The following GABRA4 variants were observed in gnomAD, a reference collection of about 807,000 sequenced individuals.
The protein encoded by GABRA4 is gamma-aminobutyric acid receptor subunit alpha-4.
GABRA4 carries 12 observed loss-of-function variants against 49.7 expected under a neutral mutation model. The observed-to-expected ratio is 0.24, with a 90% CI of 0.15 to 0.39. The LOEUF (loss-of-function observed/expected upper bound fraction) is 0.39. Among genes scored for constraint, GABRA4 ranks in the 10% least tolerant of loss-of-function variants. GABRA4 has a pLI of 1.00. For missense variants in GABRA4, 506 were observed against 686.0 expected (o/e 0.74, Z 2.93); for synonymous variants, 288 against 240.2 (o/e 1.20, Z -1.84).
intron 8 of GABRA4, among the ~76,000 whole-genome samples, chr4:46,960,458 A>G (rs1265172367): frequency 6.6e-6 from 1 of 151,754 alleles, no homozygotes; most frequent in Non-Finnish European, 1.5e-5. Flanking sequence ...ACTTTTTTCA[A>G]TTTGGCTTCA....
At chr4:46,929,129 T>C (rs1001425676) in intron 8 of GABRA4, among the ~76,000 whole-genome samples, 5 of 152,018 alleles carry the variant, frequency 3.3e-5, no homozygotes, top group Admixed American at 2.0e-4. Flanking sequence ...TAATATTCTG[T>C]ATATGTCATA....
intron 2 of GABRA4, among the ~76,000 whole-genome samples, chr4:46,983,864 G>T (rs1723441168): frequency 6.6e-6 from 1 of 151,938 alleles, no homozygotes; most frequent in Non-Finnish European, 1.5e-5. Context: ...GTTGGTAGTA[G>T]GAATATATTT....
At chr4:46,985,393 T>C (rs530203219) in intron 2 of GABRA4, among the ~76,000 whole-genome samples, 73 of 152,122 alleles carry the variant, frequency 4.8e-4, no homozygotes, top group Non-Finnish European at 9.0e-4. Context: ...TTAACTGGTA[T>C]GTTTATTATA....
chr4:46,930,556 C>A (rs1262160811), intron 8 of GABRA4, among the ~76,000 whole-genome samples: 1 of 151,682 alleles, frequency 6.6e-6, no homozygotes, highest in African/African-American at 2.4e-5. Context: ...AAGAACCAAA[C>A]TATGACCAAA....
At chr4:46,934,011 CA>C (rs988532790) in intron 8 of GABRA4, among the ~76,000 whole-genome samples, 5 of 151,394 alleles carry the variant, frequency 3.3e-5, no homozygotes, top group Non-Finnish European at 5.9e-5. Context: ...TTATCAACTG[CA>C]AAAAAAACTC....
chr4:46,971,303 A>T (rs1212883653), intron 6 of GABRA4, 68 bp from the exon 7 acceptor site: 1 of 1,398,926 alleles, frequency 7.1e-7, no homozygotes, highest in Admixed American at 1.9e-5. Context: ...CTTCATAAAC[A>T]TATTTCAGAC....
intron 8 of GABRA4, among the ~76,000 whole-genome samples, chr4:46,950,575 A>T (rs1722133312): frequency 6.6e-6 from 1 of 151,802 alleles, no homozygotes; most frequent in Non-Finnish European, 1.5e-5. Flanking sequence ...GGCTCAACCT[A>T]ATAAAATTTA....
rs556361886 is a variant in GABRA4, at chr4:46,968,384, A to G, written c.874+2699T>C. ...GGGTAAATTTCTAATGAAAAAAAAA[A>G]CACCCACAAAGCATCTTTAGCACAT... On this transcript the variant is annotated intron_variant, in intron 7 of 8. Coordinates refer to ENST00000264318, the MANE Select transcript of GABRA4 (RefSeq NM_000809.4). Among the ~76,000 whole-genome samples the G allele has an allele frequency of 2.6e-5, 4 of 151,356 alleles. No individual in the cohort carries two copies. The South Asian group carries it at 8.3e-4, about 31-fold the overall frequency.
intron 3 of GABRA4, among the ~76,000 whole-genome samples, chr4:46,977,990 A>T (rs1723206477): frequency 6.6e-6 from 1 of 152,020 alleles, no homozygotes; most frequent in Non-Finnish European, 1.5e-5. Flanking sequence ...AAAAAATATC[A>T]TGCACAATTA....
intron 8 of GABRA4, among the ~76,000 whole-genome samples, chr4:46,959,920 T>C (rs1162199782): frequency 6.7e-6 from 1 of 150,318 alleles, no homozygotes; most frequent in East Asian, 2.0e-4. Flanking sequence ...CATTGAGGAG[T>C]GTTAGTAGCT....
intron 8 of GABRA4, among the ~76,000 whole-genome samples, chr4:46,960,023 T>C (rs1388686986): frequency 1.3e-5 from 2 of 151,022 alleles, no homozygotes; most frequent in Non-Finnish European, 3.0e-5. Context: ...TAACTACTAG[T>C]GATATACAAA....
At chr4:46,930,423 G>A (rs1721386846) in intron 8 of GABRA4, among the ~76,000 whole-genome samples, 1 of 151,468 alleles carries the variant, frequency 6.6e-6, no homozygotes, top group Admixed American at 6.6e-5. Flanking sequence ...TATACATGGT[G>A]AATAACATAA....
At chr4:46,987,201 C>T (rs1467017002) in intron 2 of GABRA4, among the ~76,000 whole-genome samples, 1 of 151,694 alleles carries the variant, frequency 6.6e-6, no homozygotes, top group African/African-American at 2.4e-5. Context: ...CTCAGCCCTG[C>T]TAAACTTCAC....
chr4:46,959,448 C>G (rs1237329510), intron 8 of GABRA4, among the ~76,000 whole-genome samples: 1 of 151,812 alleles, frequency 6.6e-6, no homozygotes, highest in Non-Finnish European at 1.5e-5. Context: ...TGGTATAATC[C>G]TATGTCCTTC....
rs749786584 is a variant in GABRA4, at chr4:46,928,605, A to G, written c.1285T>C (p.Leu429=). The G allele has an allele frequency of 2.5e-6, 4 of 1,613,788 alleles. No homozygotes were observed. The highest frequency in any genetic ancestry group is 1.1e-5 in the South Asian group (1 of 91,074). Residue 429 remains leucine, a synonymous_variant, in exon 9 of 9, where the codon TTA becomes CTA. Transcript: ENST00000264318. Reference sequence around the variant, plus strand: ...CTGAATGGGTTTGGACTGGAAGCTAAGTAAGACCGAGGTGTGCCTTTAGAA... The same window carrying G: ...CTGAATGGGTTTGGACTGGAAGCTAGGTAAGACCGAGGTGTGCCTTTAGAA... ...ESSKGTPRSY[L]ASSPNPFSRA...
chr4:46,957,241 A>G (rs1243510703), intron 8 of GABRA4, among the ~76,000 whole-genome samples: 1 of 150,278 alleles, frequency 6.7e-6, no homozygotes. Context: ...TGAGCCCCCA[A>G]AAGAAAATAA....
At chr4:46,984,327 C>T (rs1478740632) in intron 2 of GABRA4, among the ~76,000 whole-genome samples, 1 of 152,022 alleles carries the variant, frequency 6.6e-6, no homozygotes, top group Non-Finnish European at 1.5e-5. Context: ...TGAAGGGATA[C>T]AACAAGGAAT....
At chr4:46,970,605 A>G (rs1193907284) in intron 7 of GABRA4, among the ~76,000 whole-genome samples, 1 of 151,592 alleles carries the variant, frequency 6.6e-6, no homozygotes, top group African/African-American at 2.4e-5. Context: ...TAAACTAAGC[A>G]TATAATACCT....
At chr4:46,991,721 A>ACTCTTTACTTATCTTTCTAAGC (rs11274101) in intron 2 of GABRA4, among the ~76,000 whole-genome samples, 1 of 151,798 alleles carries the variant, frequency 6.6e-6, no homozygotes, top group Non-Finnish European at 1.5e-5. Context: ...TGGAACTTGG[A>ACTCTTTACTTATCTTTCTAAGC]CTCAATTTCC....
Sources: gnomAD v4.1 joint callset for allele counts (sites outside exome capture counted in the v4.1 genomes callset) on GRCh38, gnomAD v4.1.1 for gene constraint, MANE v1.5 for transcripts, NCBI Gene and HGNC (gene_info 2026-07-23, HGNC 2026-07-21) for gene names.